The following PRC1 variants were observed in gnomAD, a reference collection of about 807,000 sequenced individuals.
PRC1 encodes anaphase spindle elongation 1 homolog.
Under a neutral mutation model 91.2 loss-of-function variants are expected in PRC1, and 54 were observed. That is an observed-to-expected ratio of 0.59 (90% CI 0.48 to 0.74). The LOEUF is 0.74. PRC1 is among the 30% of genes least tolerant of loss of function. The pLI is 0.00. For synonymous variants in PRC1, 275 were observed against 263.6 expected, an observed-to-expected ratio of 1.04 and a Z score of -0.42; for missense variants, 727 against 746.2, an observed-to-expected ratio of 0.97 and a Z score of 0.30.
intron 1 of PRC1, among the ~76,000 whole-genome samples, chr15:90,992,943 C>T (rs1316716636): frequency 1.3e-5 from 2 of 151,800 alleles, no homozygotes; most frequent in Middle Eastern, 3.4e-3. Context: ...TCCAGTTCAA[C>T]CTGTTTCGGG....
chr15:90,994,002 TACA>T (rs1446961670), intron 1 of PRC1, among the ~76,000 whole-genome samples: 1 of 152,206 alleles, frequency 6.6e-6, no homozygotes, highest in Non-Finnish European at 1.5e-5. Context: ...ACAGAAGGTT[TACA>T]ACGAGTCATC....
intron 1 of PRC1, among the ~76,000 whole-genome samples, chr15:90,991,702 G>C (rs1163022619): frequency 6.6e-6 from 1 of 152,010 alleles, no homozygotes; most frequent in Non-Finnish European, 1.5e-5. Flanking sequence ...AAGACAGGCA[G>C]AATCTCACTC....
In PRC1 at chr15:90,974,864, T is replaced by C. The variant is rs2151476587; in HGVS notation, c.1204-133A>G. 2 of 1,026,706 alleles carry C rather than the reference T, an allele frequency of 1.9e-6. No homozygotes were observed. Among genetic ancestry groups the C allele is most frequent in the South Asian group, 1.4e-5 (1 of 70,006 alleles). The allele number at this position is 1,026,706 out of a possible 1,614,324, so 63.6% of individuals were successfully genotyped here. Reference sequence around the variant, plus strand: ...CTCATTTCAGGTAGCTGGGCCCACATGGGTACAGGTCAGAGTGACCAGAAA... The same window carrying C: ...CTCATTTCAGGTAGCTGGGCCCACACGGGTACAGGTCAGAGTGACCAGAAA... On this transcript the variant is annotated intron_variant, in intron 9 of 14. Coordinates refer to ENST00000394249, the MANE Select transcript of PRC1 (RefSeq NM_003981.4). The surrounding 1 kb of genome is among the most constrained non-coding windows in gnomAD (Gnocchi z 4.6).
chr15:90,967,939 A>G (rs2037671671), intron 14 of PRC1: 1 of 985,344 alleles, frequency 1.0e-6, no homozygotes, highest in Non-Finnish European at 1.2e-6. Context: ...ATATCTACCA[A>G]TCCCTGGGGC....
rs1405039822 is a variant in PRC1, at chr15:90,981,572, A to C, written c.599T>G (p.Val200Gly). The change falls in exon 5 of 15, where the codon GTG (valine) becomes GGG (glycine). Residue 200 changes from valine to glycine, a missense_variant. Coordinates refer to ENST00000394249, the MANE Select transcript of PRC1 (RefSeq NM_003981.4). Reference sequence around the variant, plus strand: ...AAAGGCATCTTCGTCTTCACACACCACATCTCTTTCAAAGCTTGTGTCTGG... The same window carrying C: ...AAAGGCATCTTCGTCTTCACACACCCCATCTCTTTCAAAGCTTGTGTCTGG... ...HTPDTSFERD[V>G]VCEDEDAFCL... 8 of 1,614,074 alleles carry C rather than the reference A, an allele frequency of 5.0e-6. No homozygotes were observed. Among genetic ancestry groups the C allele is most frequent in the Non-Finnish European group, 6.8e-6 (8 of 1,180,028 alleles).
chr15:90,976,809 C>T (rs1024432663), intron 8 of PRC1, 38 bp from the exon 9 acceptor site: 3 of 1,500,336 alleles, frequency 2.0e-6, no homozygotes, highest in South Asian at 2.3e-5. Context: ...GAAAACCTGG[C>T]ACCATGAGAC....
At chr15:90,993,715 GT>G (rs1457533518) in intron 1 of PRC1, among the ~76,000 whole-genome samples, 1 of 152,116 alleles carries the variant, frequency 6.6e-6, no homozygotes, top group Admixed American at 6.5e-5. Context: ...TCCATAATCC[GT>G]TTCTTAACTT....
chr15:90,982,113 G>T (rs1019929588), intron 3 of PRC1, 132 bp from the exon 4 acceptor site: 6 of 826,086 alleles, frequency 7.3e-6, no homozygotes, highest in Non-Finnish European at 1.2e-5. Flanking sequence ...ATGGTCAACA[G>T]AATATGGCAC....
At chr15:90,993,607 G>A (rs2040109108) in intron 1 of PRC1, among the ~76,000 whole-genome samples, 1 of 152,184 alleles carries the variant, frequency 6.6e-6, no homozygotes. Flanking sequence ...AAGTCACAAG[G>A]TTGGTAAGTG....
At chr15:90,990,537 T>C (rs2039917637) in intron 1 of PRC1, among the ~76,000 whole-genome samples, 1 of 151,448 alleles carries the variant, frequency 6.6e-6, no homozygotes, top group Non-Finnish European at 1.5e-5. Context: ...AAAAGTAGAT[T>C]TGTAGTTGCG....
chr15:90,979,445 T>A, intron 7 of PRC1, 151 bp from the exon 8 acceptor site: 1 of 890,232 alleles, frequency 1.1e-6, no homozygotes, highest in Non-Finnish European at 1.7e-6. Flanking sequence ...AATAGATATA[T>A]AGTGGTTAAT....
At chr15:90,978,767 A>C (rs1402078679) in intron 8 of PRC1, among the ~76,000 whole-genome samples, 3,172 of 149,708 alleles carry the variant, frequency 0.021, 162 homozygotes, top group African/African-American at 0.075. Context: ...AAAAAAAAAA[A>C]AAAAAAAAAA....
intron 1 of PRC1, among the ~76,000 whole-genome samples, chr15:90,991,754 C>T (rs1335773475): frequency 6.6e-6 from 1 of 152,186 alleles, no homozygotes; most frequent in Non-Finnish European, 1.5e-5. Flanking sequence ...CCACCCTGGT[C>T]CAGGTCACCA....
At chr15:90,989,393 G>A (rs1485950174) in intron 1 of PRC1, among the ~76,000 whole-genome samples, 3 of 150,090 alleles carry the variant, frequency 2.0e-5, no homozygotes, top group South Asian at 2.1e-4. Flanking sequence ...GACCATAGAC[G>A]TGCCATCGTG....
intron 1 of PRC1, 65 bp downstream of exon 1, chr15:90,994,323 GGGTCCCGCACCCCTGAACA>G: frequency 6.3e-7 from 1 of 1,592,924 alleles, no homozygotes; most frequent in Non-Finnish European, 8.6e-7. Context: ...GACCCCGCAC[GGGTCCCGCACCCCTGAACA>G]GGCCCCGCAG....
intron 14 of PRC1, chr15:90,968,863 G>A: frequency 7.3e-7 from 1 of 1,368,206 alleles, no homozygotes; most frequent in Non-Finnish European, 9.5e-7. Flanking sequence ...CCTGACTTTA[G>A]GGGCTGAGAA....
intron 1 of PRC1, among the ~76,000 whole-genome samples, chr15:90,989,158 G>A (rs939552189): frequency 5.9e-5 from 9 of 152,158 alleles, no homozygotes; most frequent in Admixed American, 5.9e-4. Context: ...AAAAGTATTG[G>A]TGAGAATCTA....
intron 13 of PRC1, 146 bp from the exon 14 acceptor site, chr15:90,969,266 TC>T (rs971322116): frequency 5.0e-6 from 6 of 1,198,224 alleles, no homozygotes; most frequent in Non-Finnish European, 7.2e-6. Flanking sequence ...GCTGCCAACT[TC>T]CTTCCTACAC....
chr15:90,992,733 AAAT>A (rs2040050366), intron 1 of PRC1, among the ~76,000 whole-genome samples: 1 of 152,184 alleles, frequency 6.6e-6, no homozygotes, highest in African/African-American at 2.4e-5. Context: ...TCACTGAAAA[AAAT>A]CAAGAGTGCA....
Sources: gnomAD v4.1 joint callset for allele counts (sites outside exome capture counted in the v4.1 genomes callset) on GRCh38, gnomAD v4.1.1 for gene constraint, Gnocchi (gnomAD v3.1) non-coding constraint, MANE v1.5 for transcripts, NCBI Gene and HGNC (gene_info 2026-07-23, HGNC 2026-07-21) for gene names.